GRIK1: variants seen among roughly 807,000 people sequenced by gnomAD.
The protein encoded by GRIK1 is glutamate receptor ionotropic, kainate 1.
Under a neutral mutation model 105.7 loss-of-function variants are expected in GRIK1, and 69 were observed. The ratio of observed to expected loss-of-function variants is 0.65; its 90% CI spans 0.54 to 0.80. The LOEUF is 0.80. Among genes scored for constraint, GRIK1 ranks in the 30% least tolerant of loss-of-function variants. The pLI is 0.00. For synonymous variants in GRIK1, 438 were observed against 431.3 expected (o/e 1.02, Z -0.19); for missense variants, 1,109 against 1,167.3 (o/e 0.95, Z 0.73).
At chr21:29,939,250 T>A (rs2146390756) in intron 1 of GRIK1, 133 bp downstream of exon 1, 6 of 608,414 alleles carry the variant, frequency 9.9e-6, no homozygotes, top group South Asian at 9.4e-5. Flanking sequence ...TAGCCTCCCA[T>A]GAGCACTGAC....
chr21:29,935,489 C>G (rs1352335327), intron 1 of GRIK1, among the ~76,000 whole-genome samples: 1 of 152,108 alleles, frequency 6.6e-6, no homozygotes, highest in East Asian at 1.9e-4. Flanking sequence ...AGTCATGGGT[C>G]TGTACACACT....
Position 29,857,985 on chromosome 21 carries a change from C to T in GRIK1, c.118+81398G>A, listed in dbSNP as rs1008743979. 7.4e-4 allele frequency among the ~76,000 whole-genome samples: 112 copies of T among 152,226 alleles called. 1 individual carries two copies. The highest frequency in any genetic ancestry group is 2.6e-3 in the African/African-American group (110 of 41,544). ...CACGATCTTGGCTCACTGCAGCATC[C>T]GCCTCCCAGGCTCAAGCAATTCTCT... On this transcript the variant is annotated intron_variant, in intron 1 of 17. Coordinates refer to ENST00000327783, the MANE Select transcript of GRIK1 (RefSeq NM_001330994.2).
chr21:29,845,665 G>A (rs1338163113), intron 1 of GRIK1, among the ~76,000 whole-genome samples: 1 of 151,724 alleles, frequency 6.6e-6, no homozygotes, highest in Non-Finnish European at 1.5e-5. Flanking sequence ...GTAATTTTTG[G>A]TTTCCTCTTG....
At chr21:29,818,762 AC>A (rs1170022736) in intron 1 of GRIK1, among the ~76,000 whole-genome samples, 1 of 151,960 alleles carries the variant, frequency 6.6e-6, no homozygotes, top group Non-Finnish European at 1.5e-5. Flanking sequence ...CAGATACAGA[AC>A]CCACAGTGAC....
chr21:29,554,936 T>C (rs1459010903), intron 16 of GRIK1, 116 bp downstream of exon 16: 3 of 821,872 alleles, frequency 3.7e-6, no homozygotes, highest in South Asian at 1.9e-5. Flanking sequence ...CAAAAATGGC[T>C]CTTCTGGGCA....
At chr21:29,716,045 A>T (rs2064169083) in intron 1 of GRIK1, among the ~76,000 whole-genome samples, 1 of 151,930 alleles carries the variant, frequency 6.6e-6, no homozygotes, top group Non-Finnish European at 1.5e-5. Context: ...ATGGGTTCTC[A>T]TGAGATCTGA....
intron 9 of GRIK1, 127 bp from the exon 10 acceptor site, chr21:29,591,352 G>C: frequency 1.4e-6 from 1 of 714,406 alleles, no homozygotes; most frequent in South Asian, 1.6e-5. Context: ...CATCACAGTG[G>C]AAGCTACTAA....
intron 1 of GRIK1, among the ~76,000 whole-genome samples, chr21:29,712,910 A>G (rs1016874238): frequency 6.6e-6 from 1 of 151,862 alleles, no homozygotes; most frequent in African/African-American, 2.4e-5. Context: ...ACTTTTTGGA[A>G]ACTTTTTTTT....
In GRIK1 at chr21:29,918,056, A is replaced by T. The variant is rs189343432; in HGVS notation, c.118+21327T>A. ...AAATAGATAGATTAATGGATAAATG[A>T]TAGATAAATGGTGATGGTTTAGTCA... On this transcript the variant is annotated intron_variant, in intron 1 of 17. Transcript: ENST00000327783. 7.0e-3 allele frequency among the ~76,000 whole-genome samples: 1,062 copies of T among 152,182 alleles called. 14 individuals are homozygous for T. The highest frequency in any genetic ancestry group is 0.01 in the Non-Finnish European group (707 of 67,956).
intron 3 of GRIK1, among the ~76,000 whole-genome samples, chr21:29,678,696 T>C (rs1210187796): frequency 1.3e-5 from 2 of 152,150 alleles, no homozygotes; most frequent in African/African-American, 2.4e-5. Context: ...GTGTAAAGAA[T>C]GTTCCATCGT....
intron 1 of GRIK1, chr21:29,758,832 T>C (rs1416222426): frequency 4.6e-5 from 7 of 152,700 alleles, no homozygotes; most frequent in Admixed American, 2.6e-4. Flanking sequence ...TCTCTTCAGG[T>C]TCTTCAGGCC....
chr21:29,798,730 T>C (rs74316764), intron 1 of GRIK1, among the ~76,000 whole-genome samples: 2,519 of 152,320 alleles, frequency 0.017, 64 homozygotes, highest in African/African-American at 0.057. Flanking sequence ...CTCCTCGGCA[T>C]GTCCAAAGCC....
In GRIK1 at chr21:29,587,554, G is replaced by C; in HGVS notation, c.1605C>G (p.Thr535=). ...ADLAVAPLTI[T]YVREKVIDFS... is the part of the protein sequence containing the mutation. ...AGTCAATGACTTTCTCCCGCACGTA[G>C]GTGATGGTAAGAGGAGCCACTGCCA... Residue 535 remains threonine (T), a synonymous_variant, in exon 12 of 18, where the codon ACC becomes ACG. Transcript: ENST00000327783. 2.5e-6 allele frequency: 4 copies of C among 1,613,356 alleles called. No individual in the cohort carries two copies. The highest frequency in any genetic ancestry group is 3.4e-6 in the Non-Finnish European group (4 of 1,179,386).
chr21:29,633,788 CA>C (rs2062337414), intron 7 of GRIK1, among the ~76,000 whole-genome samples: 1 of 152,064 alleles, frequency 6.6e-6, no homozygotes, highest in East Asian at 1.9e-4. Context: ...TTCTTTTACA[CA>C]GTGAAGACTA....
chr21:29,633,229 A>T (rs1195990614), intron 7 of GRIK1, among the ~76,000 whole-genome samples: 3 of 149,432 alleles, frequency 2.0e-5, no homozygotes, highest in Non-Finnish European at 4.4e-5. Context: ...CTGGCTGGGC[A>T]CGTGGCTTAC....
intron 1 of GRIK1, among the ~76,000 whole-genome samples, chr21:29,811,442 T>A (rs746046637): frequency 1.1e-4 from 16 of 152,186 alleles, no homozygotes; most frequent in Non-Finnish European, 2.1e-4. Flanking sequence ...AATTGCTTTA[T>A]TCTCTCTAAC....
chr21:29,643,094 G>A (rs1011996108), intron 6 of GRIK1, 125 bp from the exon 7 acceptor site: 2 of 871,264 alleles, frequency 2.3e-6, no homozygotes, highest in African/African-American at 3.4e-5. Context: ...TTACTCTTCA[G>A]CTAGGTAGTT....
chr21:29,845,533 C>T (rs1197820142), intron 1 of GRIK1, among the ~76,000 whole-genome samples: 1 of 152,032 alleles, frequency 6.6e-6, no homozygotes, highest in Non-Finnish European at 1.5e-5. Flanking sequence ...TATTAACTCC[C>T]TTCCTTGTTT....
chr21:29,905,496 A>C (rs1173487760), intron 1 of GRIK1, among the ~76,000 whole-genome samples: 3 of 150,962 alleles, frequency 2.0e-5, no homozygotes, highest in Non-Finnish European at 4.4e-5. Context: ...CCCAGGCTGG[A>C]GTGCAGCAGT....
Sources: allele counts gnomAD v4.1 joint callset (sites outside exome capture counted in the v4.1 genomes callset), GRCh38; gene constraint gnomAD v4.1.1; transcripts MANE v1.5; gene names NCBI Gene and HGNC (gene_info 2026-07-23, HGNC 2026-07-21).